Variants in PELI2 observed in about 807,000 individuals in gnomAD.
PELI2 encodes pellino E3 ubiquitin protein ligase family member 2, also known as E3 ubiquitin-protein ligase pellino homolog 2.
In PELI2, 23 loss-of-function variants were observed where a neutral mutation model predicts 42.3. That is an observed-to-expected ratio of 0.54 (90% CI 0.39 to 0.77). The LOEUF (loss-of-function observed/expected upper bound fraction) is 0.77, where lower values mean the gene tolerates loss of function less well. PELI2 is among the 30% of genes least tolerant of loss of function. The pLI is 0.00. For missense variants in PELI2, 463 were observed against 553.2 expected (o/e 0.84, Z 1.64); for synonymous variants, 245 against 212.2 (o/e 1.15, Z -1.34).
At position 56,268,496 on chromosome 14, in the gene PELI2, A is replaced by G. The variant is rs192871140; in HGVS notation, c.208-11180A>G. 1.2e-4 allele frequency among the ~76,000 whole-genome samples: 18 copies of G among 152,320 alleles called. No individual in the cohort carries two copies. In the East Asian group the frequency reaches 3.3e-3, roughly 28 times the overall value. ...AGATTTTCTCTCTCTCTTAGTCTTAATATGTACAGTAAGAAATCCTATCAT... is the reference window on the plus strand; with the variant it reads ...AGATTTTCTCTCTCTCTTAGTCTTAGTATGTACAGTAAGAAATCCTATCAT... On this transcript the variant is annotated intron_variant, in intron 2 of 5. Coordinates refer to ENST00000267460, the MANE Select transcript of PELI2 (RefSeq NM_021255.3).
intron 1 of PELI2, among the ~76,000 whole-genome samples, chr14:56,161,618 A>G (rs1884768267): frequency 6.6e-6 from 1 of 152,182 alleles, no homozygotes; most frequent in Non-Finnish European, 1.5e-5. Context: ...TACCTGGCTG[A>G]GTCTGTCAAA....
Position 56,301,067 on chromosome 14 carries a change from T to C in PELI2, c.*3901T>C, listed in dbSNP as rs879944103. 1.3e-5 allele frequency: 2 copies of C among 152,546 alleles called. No individual in the cohort carries two copies. Among genetic ancestry groups the C allele is most frequent in the Admixed American group, 6.5e-5 (1 of 15,286 alleles). 9.4% of individuals were successfully genotyped at this position (152,546 alleles called of 1,614,324 possible). A position where few individuals can be genotyped will look rare whatever the true frequency, so the allele number is the denominator to read the frequency against. On this transcript the variant is annotated 3_prime_UTR_variant, in exon 6 of 6. Transcript: ENST00000267460. Reference sequence around the variant, plus strand: ...CTCAATGAAAGGAAAGATGTTTCTTTTTAGCTGAGATGACAGATTGCTTCT... The same window carrying C: ...CTCAATGAAAGGAAAGATGTTTCTTCTTAGCTGAGATGACAGATTGCTTCT...
chr14:56,290,048 T>A (rs1889776678), intron 4 of PELI2, among the ~76,000 whole-genome samples: 1 of 152,182 alleles, frequency 6.6e-6, no homozygotes, highest in Admixed American at 6.5e-5. Context: ...AGAACTATGA[T>A]GTGTGTCCAG....
chr14:56,162,890 A>G (rs1265935297), intron 1 of PELI2, among the ~76,000 whole-genome samples: 1 of 151,858 alleles, frequency 6.6e-6, no homozygotes, highest in Non-Finnish European at 1.5e-5. Context: ...TGTCATTTGT[A>G]TGTCTTTCTT....
At chr14:56,163,128 GTAT>G (rs1194634702) in intron 1 of PELI2, among the ~76,000 whole-genome samples, 2 of 152,116 alleles carry the variant, frequency 1.3e-5, no homozygotes, top group African/African-American at 2.4e-5. Flanking sequence ...TGCTTGTGGA[GTAT>G]TATTCAGGAA....
intron 2 of PELI2, among the ~76,000 whole-genome samples, chr14:56,230,240 A>G (rs539826549): frequency 5.9e-5 from 9 of 152,330 alleles, no homozygotes; most frequent in Middle Eastern, 3.4e-3. Flanking sequence ...AATTCATGAA[A>G]TACAGAGAAT....
chr14:56,127,091 GT>G (rs1412163935), intron 1 of PELI2, among the ~76,000 whole-genome samples: 1 of 152,152 alleles, frequency 6.6e-6, no homozygotes, highest in East Asian at 1.9e-4. Flanking sequence ...CATTTTTGGA[GT>G]GGCTTTATAA....
chr14:56,263,196 G>A (rs962467735), intron 2 of PELI2, among the ~76,000 whole-genome samples: 2 of 152,076 alleles, frequency 1.3e-5, no homozygotes, highest in Non-Finnish European at 2.9e-5. Flanking sequence ...CCTGACCTCA[G>A]GTGATCCTCC....
intron 1 of PELI2, among the ~76,000 whole-genome samples, chr14:56,127,104 T>C (rs1330065778): frequency 1.3e-5 from 2 of 152,182 alleles, no homozygotes; most frequent in African/African-American, 4.8e-5. Context: ...GCTTTATAAT[T>C]TATAAGTCAT....
intron 1 of PELI2, chr14:56,119,109 A>C (rs1461882039): frequency 6.6e-6 from 1 of 152,256 alleles, no homozygotes; most frequent in East Asian, 2.0e-4. Context: ...CAGGGACTCC[A>C]TGTGAGGCGC....
At chr14:56,262,759 G>A (rs1370399039) in intron 2 of PELI2, among the ~76,000 whole-genome samples, 4 of 152,076 alleles carry the variant, frequency 2.6e-5, no homozygotes, top group Non-Finnish European at 5.9e-5. Flanking sequence ...CCTGGCACAG[G>A]ATGTCCTAGT....
chr14:56,136,989 C>T (rs1247632864), intron 1 of PELI2, among the ~76,000 whole-genome samples: 1 of 152,170 alleles, frequency 6.6e-6, no homozygotes, highest in African/African-American at 2.4e-5. Flanking sequence ...TTAGAGGTGA[C>T]AGTGTTATGC....
chr14:56,290,201 T>C lies in PELI2; in HGVS notation c.508-67T>C, dbSNP rs1010873319. On this transcript the variant is annotated intron_variant, in intron 4 of 5. Transcript: ENST00000267460. ...GCCTCTATGCAATGTATTAAAGAAA[T>C]TCCAGAATCCTTTCCATTTCAACAT... 4.3e-5 allele frequency: 56 copies of C among 1,299,994 alleles called. No individual in the cohort carries two copies. In the Middle Eastern group the frequency reaches 2.6e-3, roughly 60 times the overall value. 80.5% of individuals were successfully genotyped at this position (1,299,994 alleles called of 1,614,324 possible). A position where few individuals can be genotyped will look rare whatever the true frequency, so the allele number is the denominator to read the frequency against.
At chr14:56,198,137 T>A (rs890465561) in intron 2 of PELI2, among the ~76,000 whole-genome samples, 10 of 152,130 alleles carry the variant, frequency 6.6e-5, no homozygotes, top group African/African-American at 2.4e-4. Context: ...AGAGGAATAA[T>A]TAATTGATTG....
At chr14:56,126,579 A>G (rs1220395220) in intron 1 of PELI2, among the ~76,000 whole-genome samples, 1 of 152,198 alleles carries the variant, frequency 6.6e-6, no homozygotes, top group Admixed American at 6.5e-5. Context: ...CTATTGGTAT[A>G]AAACGGCTGA....
chr14:56,235,580 T>A (rs1887763818), intron 2 of PELI2, among the ~76,000 whole-genome samples: 1 of 152,222 alleles, frequency 6.6e-6, no homozygotes, highest in Non-Finnish European at 1.5e-5. Context: ...TGTGGTCACC[T>A]GTATGCAGGG....
At chr14:56,243,244 A>T (rs1241886939) in intron 2 of PELI2, among the ~76,000 whole-genome samples, 1 of 152,210 alleles carries the variant, frequency 6.6e-6, no homozygotes, top group Non-Finnish European at 1.5e-5. Flanking sequence ...TTGATATAAG[A>T]TGCAGAATGG....
intron 2 of PELI2, among the ~76,000 whole-genome samples, chr14:56,184,989 T>G (rs1401718236): frequency 6.6e-6 from 1 of 152,168 alleles, no homozygotes; most frequent in Non-Finnish European, 1.5e-5. Context: ...TACGGTTTCA[T>G]AAAATGTGTA....
At chr14:56,127,834 A>C (rs978830693) in intron 1 of PELI2, among the ~76,000 whole-genome samples, 1 of 152,234 alleles carries the variant, frequency 6.6e-6, no homozygotes, top group African/African-American at 2.4e-5. Flanking sequence ...ATGTGAAATC[A>C]AAACTTTTGC....
Sources: gnomAD v4.1 joint callset for allele counts (sites outside exome capture counted in the v4.1 genomes callset) on GRCh38, gnomAD v4.1.1 for gene constraint, MANE v1.5 for transcripts, NCBI Gene and HGNC (gene_info 2026-07-23, HGNC 2026-07-21) for gene names.